The following TPPP variants were observed in gnomAD, a reference collection of about 807,000 sequenced individuals.
The protein encoded by TPPP is tubulin polymerization promoting protein, also known as tubulin polymerization-promoting protein.
Under a neutral mutation model 15.5 loss-of-function variants are expected in TPPP, and 6 were observed. That is an observed-to-expected ratio of 0.39 (90% CI 0.21 to 0.77). TPPP has a LOEUF of 0.77. Among genes scored for constraint, TPPP ranks in the 30% least tolerant of loss-of-function variants. The pLI, the probability that TPPP is intolerant of heterozygous loss-of-function variation, is 0.42. For synonymous variants in TPPP, 146 were observed against 133.9 expected (o/e 1.09, Z -0.63); for missense variants, 269 against 307.2 (o/e 0.88, Z 0.93).
intron 2 of TPPP, among the ~76,000 whole-genome samples, chr5:666,636 C>T (rs904477816): frequency 9.9e-5 from 15 of 151,412 alleles, no homozygotes; most frequent in African/African-American, 2.2e-4. Flanking sequence ...ACCCGCCAGG[C>T]GGCCCCGCTG....
intron 1 of TPPP, among the ~76,000 whole-genome samples, chr5:679,392 C>A (rs1225074844): frequency 7.6e-6 from 1 of 132,054 alleles, no homozygotes; most frequent in Non-Finnish European, 1.5e-5. Context: ...GGGGCTGGGC[C>A]GCGTGGGGGC....
rs116639356 is a variant in TPPP, at chr5:664,655, C to T, written c.*447G>A. On this transcript the variant is annotated 3_prime_UTR_variant, in exon 4 of 4. Coordinates refer to ENST00000360578, the MANE Select transcript of TPPP (RefSeq NM_007030.3). ...GGGCCCCACAGACACCTCCCACGTC[C>T]GGTGTGGGGCCAATTCCGTGTTAGT... is the stretch of plus-strand genomic sequence containing the variant. The T allele has an allele frequency of 2.6e-3, 439 of 170,796 alleles. 2 individuals carry two copies. Among genetic ancestry groups the T allele is most frequent in the African/African-American group, 9.9e-3 (416 of 41,984 alleles). 10.6% of individuals were successfully genotyped at this position (170,796 alleles called of 1,614,324 possible). A position where few individuals can be genotyped will look rare whatever the true frequency, so the allele number is the denominator to read the frequency against.
rs1301467255 is a variant in TPPP, at chr5:692,497, G to A, written c.-5+781C>T. On this transcript the variant is annotated intron_variant, in intron 1 of 3. Coordinates refer to ENST00000360578, the MANE Select transcript of TPPP (RefSeq NM_007030.3). ...CCCCCAAACCCCCATCAAGACAACA[G>A]CCCCCCCAAAACCCTTATCAAAACA... 21 of 878,666 alleles carry A rather than the reference G, an allele frequency of 2.4e-5. 1 individual carries two copies. The highest frequency in any genetic ancestry group is 4.4e-5 in the African/African-American group (2 of 45,582). 54.4% of individuals were successfully genotyped at this position (878,666 alleles called of 1,614,324 possible).
At chr5:682,175 A>C in intron 1 of TPPP, among the ~76,000 whole-genome samples, 1 of 148,784 alleles carries the variant, frequency 6.7e-6, no homozygotes, top group East Asian at 1.9e-4. Context: ...CTGATCACAG[A>C]GCTGTCCAGG....
chr5:688,773 C>A (rs1277207788), intron 1 of TPPP, among the ~76,000 whole-genome samples: 1 of 129,720 alleles, frequency 7.7e-6, no homozygotes, highest in Non-Finnish European at 1.8e-5. Flanking sequence ...GCCACCCCGC[C>A]GAGGGGCAGA....
chr5:676,834 GTGCACAC>G, intron 2 of TPPP, among the ~76,000 whole-genome samples: 3 of 101,026 alleles, frequency 3.0e-5, no homozygotes, highest in African/African-American at 2.9e-4. Context: ...ATGCGCACAC[GTGCACAC>G]ACGACACAGA....
chr5:677,075 G>A (rs910453605), intron 2 of TPPP, among the ~76,000 whole-genome samples: 2 of 152,144 alleles, frequency 1.3e-5, no homozygotes, highest in Non-Finnish European at 2.9e-5. Flanking sequence ...ACGCGCACAC[G>A]TGCACACGAC....
the TPPP span, among the ~76,000 whole-genome samples, chr5:699,186 C>G: frequency 6.6e-6 from 1 of 152,094 alleles, no homozygotes; most frequent in East Asian, 1.9e-4. Flanking sequence ...CCAAAGCAAT[C>G]CAAAGCTAGA....
At chr5:699,201 C>A in the TPPP span, among the ~76,000 whole-genome samples, 22 of 152,052 alleles carry the variant, frequency 1.4e-4, no homozygotes, top group Non-Finnish European at 2.8e-4. Context: ...GCTAGAAGAA[C>A]AAAGTTTCAG....
chr5:673,204 A>G (rs1390598813), intron 2 of TPPP, among the ~76,000 whole-genome samples: 1 of 152,180 alleles, frequency 6.6e-6, no homozygotes, highest in Non-Finnish European at 1.5e-5. Context: ...TTCCCCGGAA[A>G]TCGAAGGAAA....
At chr5:671,082 C>A (rs982464808) in intron 2 of TPPP, among the ~76,000 whole-genome samples, 2 of 152,234 alleles carry the variant, frequency 1.3e-5, no homozygotes, top group African/African-American at 4.8e-5. Context: ...GAAGCCCCCA[C>A]ACAGCCGGTC....
At chr5:672,447 G>C (rs372710594) in intron 2 of TPPP, among the ~76,000 whole-genome samples, 36 of 152,384 alleles carry the variant, frequency 2.4e-4, no homozygotes, top group African/African-American at 8.7e-4. Flanking sequence ...CGTGGGTCCT[G>C]GGGGAGGCCA....
chr5:676,742 AACAG>A (rs1740445604), intron 2 of TPPP: 1 of 152,370 alleles, frequency 6.6e-6, no homozygotes, highest in East Asian at 1.9e-4. Flanking sequence ...TCCAGGAGAA[AACAG>A]ACAATGCGTG....
upstream of TPPP, among the ~76,000 whole-genome samples, chr5:694,289 T>G (rs1740978744): frequency 3.3e-5 from 5 of 150,442 alleles, no homozygotes; most frequent in African/African-American, 7.3e-5. Context: ...TGCTGGGACT[T>G]GAGGGGCATA....
rs754389714 is a variant in TPPP at position 663,286 on chromosome 5, C to T, written c.*1816G>A. ...GCACGTTAGTTCTGCCTTTCACACG[C>T]GGTCCAGCCAGGTTCAGCGGGGGCA... is the stretch of plus-strand genomic sequence containing the variant. On this transcript the variant is annotated 3_prime_UTR_variant, in exon 4 of 4. Transcript: ENST00000360578. The T allele has an allele frequency of 1.3e-5, 2 of 152,446 alleles. No individual in the cohort carries two copies. Among genetic ancestry groups the T allele is most frequent in the Non-Finnish European group, 2.9e-5 (2 of 68,080 alleles). The allele number at this position is 152,446 out of a possible 1,614,324, so 9.4% of individuals were successfully genotyped here. A position where few individuals can be genotyped will look rare whatever the true frequency, so the allele number is the denominator to read the frequency against.
chr5:665,027 GAATGTAATGAA>G lies in TPPP; in HGVS notation c.*64_*74del. 1 of 1,517,170 alleles carries G rather than the reference GAATGTAATGAA, an allele frequency of 6.6e-7. No homozygotes were observed. Among genetic ancestry groups the G allele is most frequent in the East Asian group, 2.3e-5 (1 of 44,278 alleles). 94.0% of individuals were successfully genotyped at this position (1,517,170 alleles called of 1,614,324 possible). A position where few individuals can be genotyped will look rare whatever the true frequency, so the allele number is the denominator to read the frequency against. On this transcript the variant is annotated 3_prime_UTR_variant, in exon 4 of 4. Transcript: ENST00000360578. The stretch of plus-strand genomic sequence containing the variant: ...CTGAGTTCTGCCCCAGTTAGTACAG[GAATGTAATGAA>G]GTGCGAGGTGACAGAGTCCCTGCTC...
At chr5:665,707 G>A (rs1324479374) in intron 3 of TPPP, among the ~76,000 whole-genome samples, 8 of 70,920 alleles carry the variant, frequency 1.1e-4, no homozygotes, top group African/African-American at 4.0e-4. Context: ...CCCCCTCCCA[G>A]GCCAACTCCC....
intron 2 of TPPP, among the ~76,000 whole-genome samples, chr5:673,412 G>A (rs909961563): frequency 8.5e-5 from 13 of 152,062 alleles, no homozygotes; most frequent in Non-Finnish European, 1.5e-5. Context: ...GGAGGTGGGG[G>A]CAGCCCTGGG....
At chr5:688,310 A>G (rs984914041) in intron 1 of TPPP, among the ~76,000 whole-genome samples, 1 of 145,102 alleles carries the variant, frequency 6.9e-6, no homozygotes, top group Non-Finnish European at 1.6e-5. Context: ...GGTCTCAGGG[A>G]CAGCGGGCAT....
Sources: gnomAD v4.1 joint callset for allele counts (sites outside exome capture counted in the v4.1 genomes callset) on GRCh38, gnomAD v4.1.1 for gene constraint, MANE v1.5 for transcripts, NCBI Gene and HGNC (gene_info 2026-07-23, HGNC 2026-07-21) for gene names.